SLC3A1: variants seen among roughly 807,000 people sequenced by gnomAD.
SLC3A1 encodes the protein amino acid transporter heavy chain SLC3A1.
Under a neutral mutation model 60.3 loss-of-function variants are expected in SLC3A1, and 78 were observed. The observed-to-expected ratio is 1.29, with a 90% CI of 1.08 to 1.56. The LOEUF (loss-of-function observed/expected upper bound fraction) is 1.56, where lower values mean the gene tolerates loss of function less well. Ranked by LOEUF, SLC3A1 falls within the 40% of genes most tolerant of loss-of-function variation. SLC3A1 has a pLI of 0.00. For missense variants in SLC3A1, 1,172 were observed against 858.9 expected (o/e 1.36, Z -4.56); for synonymous variants, 392 against 307.9 (o/e 1.27, Z -2.86).
Position 44,321,198 on chromosome 2 carries a change from T to G in SLC3A1, c.*559T>G. Reference sequence around the variant, plus strand: ...CAATGGAGAGAATAGTATAAGCAAGTGAGATGTAGACTAAGCAAAATTTAG... The same window carrying G: ...CAATGGAGAGAATAGTATAAGCAAGGGAGATGTAGACTAAGCAAAATTTAG... On this transcript the variant is annotated 3_prime_UTR_variant, in exon 10 of 10. Coordinates refer to ENST00000260649, the MANE Select transcript of SLC3A1 (RefSeq NM_000341.4). The G allele has an allele frequency of 1.6e-6, 1 of 644,874 alleles. No homozygotes were observed. The allele number at this position is 644,874 out of a possible 1,614,324, so 39.9% of individuals were successfully genotyped here.
chr2:44,320,540 GA>G lies in SLC3A1; in HGVS notation c.1961del (p.Asn654IlefsTer25). 1 of 1,614,094 alleles carries G rather than the reference GA, an allele frequency of 6.2e-7. No individual in the cohort carries two copies. Among genetic ancestry groups the G allele is most frequent in the South Asian group, 1.1e-5 (1 of 91,076 alleles). On this transcript the variant is annotated frameshift_variant, in exon 10 of 10. Transcript: ENST00000260649. LOFTEE classifies it low-confidence loss of function (END_TRUNC). The stretch of plus-strand genomic sequence containing the variant: ...GACTCATCTTTGAACACAACACGAA[GA>G]ATCTCCTTCATCGCCAAACAGCTTT... ...EGLIFEHNTK[N>X]LLHRQTAFRD...
chr2:44,290,236 C>A (rs1671711906), intron 4 of SLC3A1, among the ~76,000 whole-genome samples: 1 of 151,616 alleles, frequency 6.6e-6, no homozygotes. Context: ...AATCAATTGA[C>A]CATAAATGCA....
At chr2:44,279,008 T>C (rs558091280) in intron 1 of SLC3A1, among the ~76,000 whole-genome samples, 1 of 151,798 alleles carries the variant, frequency 6.6e-6, no homozygotes, top group East Asian at 1.9e-4. Flanking sequence ...TTATTATTTT[T>C]TTTTTTTTGA....
chr2:44,279,051 T>C (rs1486967752), intron 1 of SLC3A1, among the ~76,000 whole-genome samples: 1 of 151,664 alleles, frequency 6.6e-6, no homozygotes, highest in African/African-American at 2.4e-5. Context: ...TAGGCTGGAG[T>C]GCAGTGGCAC....
rs1051534562 is a variant in SLC3A1, at chr2:44,301,429, T to C, written c.1136+302T>C. The C allele has an allele frequency of 5.2e-6, 3 of 580,478 alleles. No individual in the cohort carries two copies. In the African/African-American group the frequency reaches 5.6e-5, roughly 11 times the overall value. The allele number at this position is 580,478 out of a possible 1,614,324, so 36.0% of individuals were successfully genotyped here. A position where few individuals can be genotyped will look rare whatever the true frequency, so the allele number is the denominator to read the frequency against. On this transcript the variant is annotated intron_variant, in intron 6 of 9. Transcript: ENST00000260649. Reference sequence around the variant, plus strand: ...TTAGCTAAATGTTAGCCATGAGCTATTATTTTTTCTTTTTCAAAAACCAGT... The same window carrying C: ...TTAGCTAAATGTTAGCCATGAGCTACTATTTTTTCTTTTTCAAAAACCAGT...
chr2:44,309,697 C>G (rs1411924075), intron 7 of SLC3A1, among the ~76,000 whole-genome samples: 1 of 152,172 alleles, frequency 6.6e-6, no homozygotes, highest in Admixed American at 6.5e-5. Context: ...CCTCTGGGTT[C>G]AAGCAATTCT....
intron 9 of SLC3A1, among the ~76,000 whole-genome samples, chr2:44,316,700 T>C (rs972313846): frequency 1.3e-5 from 2 of 152,258 alleles, no homozygotes; most frequent in South Asian, 2.1e-4. Context: ...GGGTTGAGAA[T>C]TGGACTAGCA....
At chr2:44,312,477 G>A (rs961376375) in intron 7 of SLC3A1, 109 bp from the exon 8 acceptor site, 1 of 1,174,910 alleles carries the variant, frequency 8.5e-7, no homozygotes, top group Non-Finnish European at 1.3e-6. Flanking sequence ...CTAGTACCAA[G>A]GTACCACATC....
Position 44,275,791 on chromosome 2 carries a change from C to A in SLC3A1, c.256C>A (p.Arg86=). 6.2e-7 allele frequency: 1 copy of A among 1,614,254 alleles called. No homozygotes were observed. The change falls in exon 1 of 10, where the codon CGG becomes AGG. Residue 86 remains arginine (R), a synonymous_variant. Coordinates refer to ENST00000260649, the MANE Select transcript of SLC3A1 (RefSeq NM_000341.4). ...FSGQARYRIP[R]EILFWLTVAS... ...TGGCCAGGCCCGCTACCGCATACCTCGGGAGATCCTCTTCTGGCTCACAGT... is the reference window on the plus strand; with the variant it reads ...TGGCCAGGCCCGCTACCGCATACCTAGGGAGATCCTCTTCTGGCTCACAGT...
chr2:44,281,289 A>T (rs938742073), intron 2 of SLC3A1, 98 bp from the exon 3 acceptor site: 3 of 1,048,106 alleles, frequency 2.9e-6, no homozygotes, highest in Non-Finnish European at 4.4e-6. Context: ...CTCCCAGTGT[A>T]TTGGGGTTAC....
At position 44,321,391 on chromosome 2, in the gene SLC3A1, C is replaced by A. The variant is rs1433913896; in HGVS notation, c.*752C>A. The A allele has an allele frequency of 1.2e-6, 2 of 1,612,590 alleles. No homozygotes were observed. Among genetic ancestry groups the A allele is most frequent in the Admixed American group, 3.3e-5 (2 of 59,970 alleles). ...AGGTATTTCTTAAGATCCTCGAAAA[C>A]ACTGGTGCTGTCAAGTCCAAGTTCC... is the stretch of plus-strand genomic sequence containing the variant. On this transcript the variant is annotated 3_prime_UTR_variant, in exon 10 of 10. Coordinates refer to ENST00000260649, the MANE Select transcript of SLC3A1 (RefSeq NM_000341.4).
intron 7 of SLC3A1, among the ~76,000 whole-genome samples, chr2:44,305,672 C>G (rs1471225190): frequency 6.6e-6 from 1 of 151,956 alleles, no homozygotes; most frequent in Non-Finnish European, 1.5e-5. Context: ...GTGATCCACC[C>G]CCACCTCAGC....
chr2:44,304,035 G>C, intron 6 of SLC3A1, 108 bp from the exon 7 acceptor site: 2 of 841,006 alleles, frequency 2.4e-6, no homozygotes, highest in East Asian at 4.8e-5. Flanking sequence ...ATGGTTAATA[G>C]TGTGCATTCA....
chr2:44,289,933 A>C (rs4952708), intron 4 of SLC3A1, among the ~76,000 whole-genome samples: 92,620 of 151,246 alleles, frequency 0.61, 28,745 homozygotes, highest in Non-Finnish European at 0.67. Context: ...GCCTGGCCCA[A>C]TTTATTTATT....
At chr2:44,292,251 A>C (rs1671756135) in intron 4 of SLC3A1, among the ~76,000 whole-genome samples, 1 of 152,108 alleles carries the variant, frequency 6.6e-6, no homozygotes, top group Non-Finnish European at 1.5e-5. Context: ...AACCCAGAGC[A>C]CAGGCGTAGG....
rs766408502 is a variant in SLC3A1 at position 44,304,317 on chromosome 2, A to T, written c.1311A>T (p.Glu437Asp). 1 of 1,614,090 alleles carries T rather than the reference A, an allele frequency of 6.2e-7. No individual in the cohort carries two copies. Among genetic ancestry groups the T allele is most frequent in the East Asian group, 2.2e-5 (1 of 44,890 alleles). The change falls in exon 7 of 10, where the codon GAA becomes GAT. Residue 437 changes from glutamate to aspartate, a missense_variant. Coordinates refer to ENST00000260649, the MANE Select transcript of SLC3A1 (RefSeq NM_000341.4). ...CATCCTGGATGGAAAACATGCCAGA[A>T]GGAAAATGGCCTAACTGGATGGTAA... ...VITSWMENMP[E>D]GKWPNWMIGG... is the part of the protein sequence containing the mutation.
At chr2:44,306,384 G>C (rs1672156349) in intron 7 of SLC3A1, among the ~76,000 whole-genome samples, 1 of 152,040 alleles carries the variant, frequency 6.6e-6, no homozygotes, top group Non-Finnish European at 1.5e-5. Flanking sequence ...TGCTTTAATA[G>C]GCAGGAATGT....
At chr2:44,291,544 T>G (rs1051688030) in intron 4 of SLC3A1, among the ~76,000 whole-genome samples, 5 of 152,152 alleles carry the variant, frequency 3.3e-5, no homozygotes, top group Non-Finnish European at 5.9e-5. Context: ...GAAGATTTAC[T>G]ATTAGAAGTA....
At chr2:44,307,728 G>A (rs1170579493) in intron 7 of SLC3A1, among the ~76,000 whole-genome samples, 1 of 152,104 alleles carries the variant, frequency 6.6e-6, no homozygotes, top group South Asian at 2.1e-4. Context: ...AAGAATTCCT[G>A]ATATATACTG....
Sources: allele counts gnomAD v4.1 joint callset (sites outside exome capture counted in the v4.1 genomes callset), GRCh38; gene constraint gnomAD v4.1.1; transcripts MANE v1.5; gene names NCBI Gene and HGNC (gene_info 2026-07-23, HGNC 2026-07-21).